Variants in CSMD1 observed in about 807,000 individuals in gnomAD.
CSMD1 encodes CUB and sushi domain-containing protein 1.
CSMD1 carries 213 observed loss-of-function variants against 417.5 expected under a neutral mutation model. The observed-to-expected ratio is 0.51, with a 90% confidence interval of 0.46 to 0.57. CSMD1 has a LOEUF of 0.57. Among genes scored for constraint, CSMD1 ranks in the 20% least tolerant of loss-of-function variants. The pLI is 0.00. For missense variants in CSMD1, 6,923 were observed against 4,529.7 expected, an observed-to-expected ratio of 1.53 and a Z score of -15.17; for synonymous variants, 2,862 against 1,736.8, an observed-to-expected ratio of 1.65 and a Z score of -16.11.
At chr8:4,282,532 A>G (rs1395003801) in intron 3 of CSMD1, among the ~76,000 whole-genome samples, 1 of 152,210 alleles carries the variant, frequency 6.6e-6, no homozygotes, top group African/African-American at 2.4e-5. Flanking sequence ...TAAAGCAACT[A>G]ATGTGTAATG....
chr8:4,432,728 C>T (rs1320724387), intron 2 of CSMD1, among the ~76,000 whole-genome samples: 1 of 152,132 alleles, frequency 6.6e-6, no homozygotes, highest in Non-Finnish European at 1.5e-5. Context: ...CCTGAAAGTT[C>T]ACAGGAGATT....
chr8:3,121,182 T>A (rs1817183847), intron 41 of CSMD1, among the ~76,000 whole-genome samples: 1 of 152,194 alleles, frequency 6.6e-6, no homozygotes, highest in African/African-American at 2.4e-5. Flanking sequence ...TGTGTATTTA[T>A]TTATATTTTC....
chr8:4,263,572 C>G (rs1804034067), intron 3 of CSMD1, among the ~76,000 whole-genome samples: 1 of 152,140 alleles, frequency 6.6e-6, no homozygotes, highest in Non-Finnish European at 1.5e-5. Flanking sequence ...TCATAATCAA[C>G]AATCATGAGT....
Position 3,441,764 on chromosome 8 carries a change from T to G in CSMD1, c.1561+26948A>C, listed in dbSNP as rs556136342. 2.6e-5 allele frequency among the ~76,000 whole-genome samples: 4 copies of G among 152,178 alleles called. No homozygotes were observed. The East Asian group carries it at 7.7e-4, about 29-fold the overall frequency. The stretch of plus-strand genomic sequence containing the variant: ...CACAGCAGGTAACACTTGATAATAA[T>G]AAGTGACTATGACATTGCTTTATAT... On this transcript the variant is annotated intron_variant, in intron 12 of 69. Coordinates refer to ENST00000635120, the MANE Select transcript of CSMD1 (RefSeq NM_033225.6).
intron 1 of CSMD1, among the ~76,000 whole-genome samples, chr8:4,804,318 C>T (rs1210992338): frequency 6.6e-6 from 1 of 152,090 alleles, no homozygotes; most frequent in African/African-American, 2.4e-5. Context: ...AATTGAAAAA[C>T]TCATGCTATG....
intron 12 of CSMD1, among the ~76,000 whole-genome samples, chr8:3,427,439 A>G (rs965229027): frequency 3.9e-5 from 6 of 152,192 alleles, no homozygotes; most frequent in Non-Finnish European, 7.3e-5. Context: ...TAATGATTCC[A>G]CAATTCCTAT....
At chr8:4,172,464 A>G (rs1310900770) in intron 3 of CSMD1, among the ~76,000 whole-genome samples, 1 of 152,148 alleles carries the variant, frequency 6.6e-6, no homozygotes, top group Non-Finnish European at 1.5e-5. Context: ...GTTACAACAG[A>G]CACTATCTTA....
intron 9 of CSMD1, among the ~76,000 whole-genome samples, chr8:3,583,944 G>A (rs887064224): frequency 6.6e-6 from 1 of 151,598 alleles, no homozygotes; most frequent in Non-Finnish European, 1.5e-5. Flanking sequence ...CCAAGATGGA[G>A]AAACGATTAT....
chr8:2,949,502 G>C (rs1023216412), intron 67 of CSMD1, 116 bp from the exon 68 acceptor site: 19 of 475,430 alleles, frequency 4.0e-5, no homozygotes, highest in Non-Finnish European at 5.3e-5. Flanking sequence ...GATACTACTG[G>C]TTAAATGTTT....
intron 1 of CSMD1, among the ~76,000 whole-genome samples, chr8:4,725,047 C>G (rs1418297950): frequency 3.3e-5 from 5 of 152,014 alleles, no homozygotes; most frequent in Admixed American, 6.6e-5. Flanking sequence ...CTATTTTAAA[C>G]ATAAAAGGGG....
At chr8:4,422,661 C>T (rs1191741962) in intron 2 of CSMD1, among the ~76,000 whole-genome samples, 4 of 151,962 alleles carry the variant, frequency 2.6e-5, no homozygotes, top group Admixed American at 6.6e-5. Flanking sequence ...ATCCCTGGAA[C>T]TTATAGTAGT....
intron 31 of CSMD1, among the ~76,000 whole-genome samples, chr8:3,204,507 A>G (rs1312848089): frequency 6.6e-6 from 1 of 152,238 alleles, no homozygotes; most frequent in Non-Finnish European, 1.5e-5. Context: ...AACCCATTTT[A>G]AGTATTACTG....
At chr8:3,763,371 G>C (rs949673053) in intron 5 of CSMD1, among the ~76,000 whole-genome samples, 1 of 152,248 alleles carries the variant, frequency 6.6e-6, no homozygotes, top group East Asian at 1.9e-4. Context: ...TGAATGAATG[G>C]CTGGTGCCTT....
chr8:3,252,378 A>G (rs1800337252), intron 26 of CSMD1, among the ~76,000 whole-genome samples: 2 of 152,202 alleles, frequency 1.3e-5, no homozygotes, highest in South Asian at 4.1e-4. Context: ...TGATTTGCAT[A>G]TGTTGAACCA....
rs143473338 is a variant in CSMD1, at chr8:3,000,959, T to C, written c.8030-828A>G. Among the ~76,000 whole-genome samples the C allele has an allele frequency of 3.5e-3, 533 of 151,986 alleles. 2 individuals carry two copies. The highest frequency in any genetic ancestry group is 0.012 in the African/African-American group (513 of 41,320). On this transcript the variant is annotated intron_variant, in intron 52 of 69. Transcript: ENST00000635120. ...CCACATGGAGACAGACCCTCTGACA[T>C]TATTCCACTCACTCCCACCATTTTT...
intron 3 of CSMD1, among the ~76,000 whole-genome samples, chr8:4,048,286 G>C (rs1301098081): frequency 6.6e-6 from 1 of 152,140 alleles, no homozygotes; most frequent in Non-Finnish European, 1.5e-5. Context: ...CTAATTATGA[G>C]CATAAGATTG....
chr8:4,528,017 A>T (rs1199888919), intron 2 of CSMD1, among the ~76,000 whole-genome samples: 3 of 152,172 alleles, frequency 2.0e-5, no homozygotes, highest in Non-Finnish European at 4.4e-5. Context: ...GTGTGGGATC[A>T]TGTCAGTGCT....
intron 22 of CSMD1, among the ~76,000 whole-genome samples, chr8:3,343,729 A>G (rs1327245045): frequency 2.6e-5 from 4 of 152,194 alleles, no homozygotes; most frequent in Non-Finnish European, 4.4e-5. Context: ...TTAAAATTAA[A>G]TAAATATTTC....
At chr8:3,631,233 G>A (rs1021110) in intron 7 of CSMD1, among the ~76,000 whole-genome samples, 1 of 151,656 alleles carries the variant, frequency 6.6e-6, no homozygotes. Flanking sequence ...CACGTAACAC[G>A]ATCACAAACT....
Sources: gnomAD v4.1 joint callset for allele counts (sites outside exome capture counted in the v4.1 genomes callset) on GRCh38, gnomAD v4.1.1 for gene constraint, MANE v1.5 for transcripts, NCBI Gene and HGNC (gene_info 2026-07-23, HGNC 2026-07-21) for gene names.